Variants in SORCS2 observed in about 807,000 individuals in gnomAD.
SORCS2 encodes sortilin related VPS10 domain containing receptor 2.
In SORCS2, 100 loss-of-function variants were observed where a neutral mutation model predicts 141.6. The ratio of observed to expected loss-of-function variants is 0.71; its 90% CI spans 0.60 to 0.83. The LOEUF is 0.83. SORCS2 is among the 40% of genes least tolerant of loss of function. The probability of loss-of-function intolerance (pLI) is 0.00; values close to 1 mark genes in which losing one functional copy is unlikely to be tolerated. For synonymous variants in SORCS2, 789 were observed against 676.9 expected, an observed-to-expected ratio of 1.17 and a Z score of -2.57; for missense variants, 1,646 against 1,560.2, an observed-to-expected ratio of 1.05 and a Z score of -0.93.
intron 18 of SORCS2, among the ~76,000 whole-genome samples, chr4:7,719,289 C>T (rs75774408): frequency 1.3e-5 from 2 of 152,242 alleles, no homozygotes; most frequent in African/African-American, 2.4e-5. Flanking sequence ...AGGCCCAAGA[C>T]GACGCAGAGC....
chr4:7,489,304 T>C (rs1245373393), intron 2 of SORCS2, among the ~76,000 whole-genome samples: 3 of 152,224 alleles, frequency 2.0e-5, no homozygotes, highest in African/African-American at 7.2e-5. Flanking sequence ...ATGCTGCCAT[T>C]TCCAAGCACC....
intron 1 of SORCS2, among the ~76,000 whole-genome samples, chr4:7,365,862 G>A (rs955810537): frequency 6.6e-6 from 1 of 152,180 alleles, no homozygotes; most frequent in Admixed American, 6.5e-5. Context: ...CACAGCCACC[G>A]CCATCTGTCT....
chr4:7,473,354 T>C lies in SORCS2; in HGVS notation c.549-58176T>C, dbSNP rs138088057. On this transcript the variant is annotated intron_variant, in intron 2 of 26. Transcript: ENST00000507866. Reference sequence around the variant, plus strand: ...CTCAGCCCAGGGGCAATTGGGTGCCTACAGGGACCCTGGTAATGTGGGATT... The same window carrying C: ...CTCAGCCCAGGGGCAATTGGGTGCCCACAGGGACCCTGGTAATGTGGGATT... Among the ~76,000 whole-genome samples, 641 of 152,224 alleles carry C rather than the reference T, an allele frequency of 4.2e-3. 8 individuals carry two copies. Among genetic ancestry groups the C allele is most frequent in the African/African-American group, 0.014 (600 of 41,548 alleles).
chr4:7,259,548 G>A (rs568521207), intron 1 of SORCS2, among the ~76,000 whole-genome samples: 2 of 152,310 alleles, frequency 1.3e-5, no homozygotes, highest in Admixed American at 6.5e-5. Flanking sequence ...CAGGCCCAGG[G>A]GTGGCCCTTG....
intron 10 of SORCS2, among the ~76,000 whole-genome samples, chr4:7,687,944 C>T (rs773976489): frequency 1.2e-4 from 18 of 152,290 alleles, no homozygotes; most frequent in Middle Eastern, 3.4e-3. Flanking sequence ...TTCCCTGCTC[C>T]GGGCATTGCT....
chr4:7,602,546 C>T (rs949309419), intron 3 of SORCS2, among the ~76,000 whole-genome samples: 7 of 151,258 alleles, frequency 4.6e-5, no homozygotes, highest in Admixed American at 4.6e-4. Context: ...CTCCTCACTT[C>T]CTAGATGGGA....
rs150687866 is a variant in SORCS2, at chr4:7,334,568, T to C, written c.481-61720T>C. Reference sequence around the variant, plus strand: ...TGGCAGCTGAACTTTTGTTTGTGGGTAATTAGGAGCAGACAGTAGGGTCAC... The same window carrying C: ...TGGCAGCTGAACTTTTGTTTGTGGGCAATTAGGAGCAGACAGTAGGGTCAC... On this transcript the variant is annotated intron_variant, in intron 1 of 26. Transcript: ENST00000507866. Among the ~76,000 whole-genome samples the C allele has an allele frequency of 2.1e-3, 326 of 152,104 alleles. 1 individual carries two copies. Among genetic ancestry groups the C allele is most frequent in the East Asian group, 9.9e-3 (51 of 5,164 alleles).
intron 2 of SORCS2, among the ~76,000 whole-genome samples, chr4:7,498,059 C>T (rs1731738752): frequency 6.6e-6 from 1 of 152,234 alleles, no homozygotes; most frequent in Middle Eastern, 3.2e-3. Flanking sequence ...CGTTTCGGGA[C>T]CCTCTTCCTG....
At chr4:7,626,832 T>TA (rs1381598618) in intron 3 of SORCS2, among the ~76,000 whole-genome samples, 1 of 152,142 alleles carries the variant, frequency 6.6e-6, no homozygotes, top group Non-Finnish European at 1.5e-5. Context: ...CAACATGTAA[T>TA]ACAGTCCCTG....
chr4:7,364,186 C>T (rs1721749570), intron 1 of SORCS2, among the ~76,000 whole-genome samples: 1 of 152,216 alleles, frequency 6.6e-6, no homozygotes, highest in Non-Finnish European at 1.5e-5. Flanking sequence ...GCCATATGCA[C>T]AGGCTGGGGA....
intron 1 of SORCS2, among the ~76,000 whole-genome samples, chr4:7,388,702 G>A (rs1723651224): frequency 6.6e-6 from 1 of 151,998 alleles, no homozygotes; most frequent in African/African-American, 2.4e-5. Context: ...TAGCCATTTT[G>A]AAGTGCCCTT....
intron 1 of SORCS2, among the ~76,000 whole-genome samples, chr4:7,207,006 C>T (rs374314944): frequency 6.6e-5 from 10 of 152,108 alleles, no homozygotes; most frequent in African/African-American, 1.7e-4. Flanking sequence ...CCCACCTGCT[C>T]GCTCACTCAT....
In SORCS2 at chr4:7,493,875, G is replaced by A. The variant is rs138103722; in HGVS notation, c.549-37655G>A. ...ATGCATTGTGTGGATATTAAATGACGTGATACACCCTCGAAATAAACCAGG... is the reference window on the plus strand; with the variant it reads ...ATGCATTGTGTGGATATTAAATGACATGATACACCCTCGAAATAAACCAGG... On this transcript the variant is annotated intron_variant, in intron 2 of 26. Transcript: ENST00000507866. Among the ~76,000 whole-genome samples, 430 of 152,332 alleles carry A rather than the reference G, an allele frequency of 2.8e-3. 6 individuals carry two copies. Among genetic ancestry groups the A allele is most frequent in the African/African-American group, 9.2e-3 (382 of 41,568 alleles).
At chr4:7,710,573 T>G (rs1161196737) in intron 14 of SORCS2, among the ~76,000 whole-genome samples, 1 of 152,198 alleles carries the variant, frequency 6.6e-6, no homozygotes, top group Non-Finnish European at 1.5e-5. Flanking sequence ...AGGCATTGTT[T>G]GGACAGCGAT....
chr4:7,638,524 G>A (rs373867043), intron 4 of SORCS2, 32 bp downstream of exon 4: 595 of 1,591,080 alleles, frequency 3.7e-4, no homozygotes, highest in Non-Finnish European at 4.6e-4. Flanking sequence ...CGCCTGGTCT[G>A]TGGGGCTGGG....
chr4:7,489,167 C>T (rs1731168096), intron 2 of SORCS2, among the ~76,000 whole-genome samples: 1 of 152,180 alleles, frequency 6.6e-6, no homozygotes, highest in African/African-American at 2.4e-5. Flanking sequence ...AAAGCTGGTT[C>T]CCTGGACCCT....
intron 2 of SORCS2, among the ~76,000 whole-genome samples, chr4:7,436,086 G>C (rs1339502883): frequency 1.2e-4 from 19 of 152,236 alleles, no homozygotes; most frequent in Non-Finnish European, 4.4e-5. Context: ...AAGAGAAGAC[G>C]GAAAATAGGA....
intron 1 of SORCS2, among the ~76,000 whole-genome samples, chr4:7,353,168 G>A (rs1259727668): frequency 6.6e-6 from 1 of 152,214 alleles, no homozygotes; most frequent in Non-Finnish European, 1.5e-5. Flanking sequence ...GGCCCAGAGA[G>A]TGAACTGCCA....
chr4:7,597,367 G>A (rs1235328047), intron 3 of SORCS2, among the ~76,000 whole-genome samples: 1 of 149,832 alleles, frequency 6.7e-6, no homozygotes, highest in Admixed American at 6.7e-5. Context: ...GAGAGAGGGG[G>A]CTGTGCAATA....
Sources: allele counts gnomAD v4.1 joint callset (sites outside exome capture counted in the v4.1 genomes callset), GRCh38; gene constraint gnomAD v4.1.1; transcripts MANE v1.5; gene names NCBI Gene and HGNC (gene_info 2026-07-23, HGNC 2026-07-21).